The following PHB1 variants were observed in gnomAD, a reference collection of about 807,000 sequenced individuals.
The protein encoded by PHB1 is prohibitin 1.
At chr17:49,413,512 CT>C in the PHB1 span, among the ~76,000 whole-genome samples, 97 of 124,754 alleles carry the variant, frequency 7.8e-4, no homozygotes, top group Non-Finnish European at 9.2e-4. Context: ...CTTTTCTTTC[CT>C]TTTTTTTTTT....
chr17:49,406,620 A>C, the PHB1 span: 1 of 691,670 alleles, frequency 1.4e-6, no homozygotes, highest in African/African-American at 1.8e-5. Flanking sequence ...TTGCAGAAGT[A>C]CAATTCCTTC....
At chr17:49,409,481 T>A in the PHB1 span, 3 of 1,610,982 alleles carry the variant, frequency 1.9e-6, no homozygotes, top group African/African-American at 1.3e-5. Flanking sequence ...AATCTTAGGG[T>A]AGGGGACAAA....
the PHB1 span, chr17:49,409,548 T>TTTG: frequency 3.1e-6 from 3 of 956,806 alleles, no homozygotes; most frequent in African/African-American, 4.7e-5. Context: ...TTTTTGTTTT[T>TTTG]TTTTTTTTTT....
the PHB1 span, chr17:49,411,591 G>T: frequency 8.5e-7 from 1 of 1,179,230 alleles, no homozygotes; most frequent in South Asian, 1.4e-5. Flanking sequence ...TTTGGATCCT[G>T]GTATCCCACA....
chr17:49,412,101 T>G, the PHB1 span: 1 of 388,512 alleles, frequency 2.6e-6, no homozygotes, highest in Non-Finnish European at 4.6e-6. Context: ...GGCTGTTGAT[T>G]TTCTGAATGA....
At chr17:49,405,866 G>C in the PHB1 span, among the ~76,000 whole-genome samples, 1 of 152,204 alleles carries the variant, frequency 6.6e-6, no homozygotes, top group South Asian at 2.1e-4. Flanking sequence ...CTGTGAGTTA[G>C]GCTGGTTCCT....
chr17:49,412,622 T>C, the PHB1 span: 2 of 152,778 alleles, frequency 1.3e-5, no homozygotes, highest in East Asian at 3.8e-4. Context: ...GTCAAATCCA[T>C]TGCTTGACCA....
the PHB1 span, among the ~76,000 whole-genome samples, chr17:49,406,502 T>C: frequency 2.6e-5 from 4 of 152,228 alleles, no homozygotes; most frequent in Admixed American, 6.5e-5. Flanking sequence ...TTTTTATTTG[T>C]AAGAGAGTGT....
chr17:49,412,010 A>G, the PHB1 span: 1 of 596,336 alleles, frequency 1.7e-6, no homozygotes, highest in South Asian at 2.2e-5. Context: ...TGCAAAACTA[A>G]GCAGTCACTT....
the PHB1 span, chr17:49,409,611 G>A: frequency 1.4e-5 from 9 of 665,114 alleles, no homozygotes; most frequent in Admixed American, 8.4e-5. Flanking sequence ...GGACAATCTC[G>A]GCTCACTACA....
At chr17:49,409,610 C>T in the PHB1 span, 17 of 665,638 alleles carry the variant, frequency 2.6e-5, no homozygotes, top group Non-Finnish European at 3.7e-5. Context: ...GGGACAATCT[C>T]GGCTCACTAC....
the PHB1 span, chr17:49,407,568 GCA>G: frequency 6.6e-6 from 1 of 152,220 alleles, no homozygotes; most frequent in Non-Finnish European, 1.5e-5. Context: ...CCTAAAGATA[GCA>G]CAAACAATGG....
chr17:49,413,533 G>C, the PHB1 span, among the ~76,000 whole-genome samples: 3 of 144,074 alleles, frequency 2.1e-5, no homozygotes, highest in African/African-American at 7.8e-5. Context: ...TTTGGAGACA[G>C]GGTCTTGCTC....
the PHB1 span, chr17:49,411,979 C>A: frequency 2.8e-6 from 2 of 716,860 alleles, no homozygotes; most frequent in Non-Finnish European, 4.5e-6. Context: ...AACTCCTGGT[C>A]TCTAGAGACT....
At chr17:49,407,823 A>G in the PHB1 span, among the ~76,000 whole-genome samples, 1 of 152,222 alleles carries the variant, frequency 6.6e-6, no homozygotes, top group African/African-American at 2.4e-5. Flanking sequence ...CAGCTGTTGT[A>G]CTTCGCCTGA....
At chr17:49,409,543 GTTTTTTTTTTTTT>G in the PHB1 span, 194,897 of 838,440 alleles carry the variant, frequency 0.23, 12,906 homozygotes, top group Non-Finnish European at 0.26. Flanking sequence ...TTTTTTTTTT[GTTTTTTTTTTTTT>G]TTGAGACAGG....
At chr17:49,407,094 T>C in the PHB1 span, 3 of 504,392 alleles carry the variant, frequency 5.9e-6, no homozygotes, top group Admixed American at 3.2e-5. Context: ...AGTGACCTCA[T>C]GTAGCAAATG....
the PHB1 span, among the ~76,000 whole-genome samples, chr17:49,408,278 A>G: frequency 6.6e-6 from 1 of 152,224 alleles, no homozygotes; most frequent in Admixed American, 6.5e-5. Context: ...AGCTGCACAG[A>G]TGCCGGGGGA....
At chr17:49,404,622 C>T in the PHB1 span, 10 of 308,722 alleles carry the variant, frequency 3.2e-5, no homozygotes, top group African/African-American at 1.5e-4. Flanking sequence ...GGAGGCCACA[C>T]GTGGATCTAG....
Sources: allele counts gnomAD v4.1 joint callset (sites outside exome capture counted in the v4.1 genomes callset), GRCh38; gene constraint gnomAD v4.1.1; transcripts MANE v1.5; gene names NCBI Gene and HGNC (gene_info 2026-07-23, HGNC 2026-07-21).